Variants in ARHGAP32 observed in about 807,000 individuals in gnomAD.
The protein encoded by ARHGAP32 is rho GTPase-activating protein 32.
Under a neutral mutation model 186.5 loss-of-function variants are expected in ARHGAP32, and 51 were observed. The observed-to-expected ratio is 0.27, with a 90% CI of 0.22 to 0.35. The LOEUF is 0.35. ARHGAP32 is among the 10% of genes least tolerant of loss of function. ARHGAP32 has a pLI of 1.00. For synonymous variants in ARHGAP32, 950 were observed against 964.3 expected, an observed-to-expected ratio of 0.99 and a Z score of 0.27; for missense variants, 2,186 against 2,623.5, an observed-to-expected ratio of 0.83 and a Z score of 3.64.
At chr11:129,067,280 C>T (rs910073083) in intron 6 of ARHGAP32, among the ~76,000 whole-genome samples, 31 of 151,962 alleles carry the variant, frequency 2.0e-4, no homozygotes, top group South Asian at 2.1e-4. Flanking sequence ...TGACTGAGAT[C>T]GGAAATATAC....
upstream of ARHGAP32, among the ~76,000 whole-genome samples, chr11:129,194,036 T>C (rs12801060): frequency 0.031 from 4,756 of 151,880 alleles, 115 homozygotes; most frequent in South Asian, 0.083. Flanking sequence ...AACAGAAATG[T>C]AAAACAATAC....
intron 2 of ARHGAP32, 47 bp downstream of exon 2, chr11:129,164,272 A>T: frequency 8.7e-7 from 1 of 1,150,572 alleles, no homozygotes; most frequent in South Asian, 1.5e-5. Flanking sequence ...TAAGTGCTAT[A>T]TATACATATA....
At chr11:129,232,193 C>T (rs1029341396) in intron 1 of ARHGAP32, among the ~76,000 whole-genome samples, 5 of 152,028 alleles carry the variant, frequency 3.3e-5, no homozygotes, top group African/African-American at 7.2e-5. Flanking sequence ...ACCACACTCA[C>T]GGGTGACATT....
At chr11:128,976,521 C>T in intron 20 of ARHGAP32, 42 bp downstream of exon 20, 1 of 1,492,228 alleles carries the variant, frequency 6.7e-7, no homozygotes, top group Non-Finnish European at 9.3e-7. Flanking sequence ...TTCCTTTATG[C>T]AATATATTAT....
chr11:129,243,047 C>T (rs1429971977), intron 1 of ARHGAP32, among the ~76,000 whole-genome samples: 3 of 152,126 alleles, frequency 2.0e-5, no homozygotes. Flanking sequence ...ACCCAACTCC[C>T]TCAACTTTCA....
chr11:129,187,710 A>T (rs1404312920), intron 1 of ARHGAP32, among the ~76,000 whole-genome samples: 1 of 152,136 alleles, frequency 6.6e-6, no homozygotes, highest in East Asian at 1.9e-4. Flanking sequence ...ATAATTTTTT[A>T]AAATAATATT....
intron 10 of ARHGAP32, among the ~76,000 whole-genome samples, chr11:129,044,537 T>C (rs1282200405): frequency 6.6e-6 from 1 of 152,160 alleles, no homozygotes; most frequent in Non-Finnish European, 1.5e-5. Flanking sequence ...GCTATTATTA[T>C]CCCAGTATTT....
At chr11:129,038,864 G>A (rs1391475794) in intron 11 of ARHGAP32, among the ~76,000 whole-genome samples, 1 of 140,442 alleles carries the variant, frequency 7.1e-6, no homozygotes, top group East Asian at 2.1e-4. Flanking sequence ...TGCAGCCTGT[G>A]GTGACAAAGA....
chr11:129,201,984 G>C (rs1425664583), intron 1 of ARHGAP32, among the ~76,000 whole-genome samples: 2 of 151,022 alleles, frequency 1.3e-5, no homozygotes, highest in Non-Finnish European at 2.9e-5. Context: ...GCCTGTCTCT[G>C]TCTGTCTGTC....
At chr11:128,973,745 A>C in intron 21 of ARHGAP32, 1 of 528,012 alleles carries the variant, frequency 1.9e-6, no homozygotes, top group Non-Finnish European at 3.3e-6. Flanking sequence ...GTGCTTGTAG[A>C]CTGTTATTAT....
chr11:129,120,607 C>T (rs1182158609), intron 5 of ARHGAP32, among the ~76,000 whole-genome samples: 1 of 151,894 alleles, frequency 6.6e-6, no homozygotes, highest in East Asian at 1.9e-4. Context: ...TATTTCATTC[C>T]AGAACTAAAA....
At chr11:129,108,862 A>C (rs908399413) in intron 5 of ARHGAP32, among the ~76,000 whole-genome samples, 1 of 152,168 alleles carries the variant, frequency 6.6e-6, no homozygotes, top group Non-Finnish European at 1.5e-5. Flanking sequence ...CGTCATTACC[A>C]AATCAGGGTA....
upstream of ARHGAP32, among the ~76,000 whole-genome samples, chr11:129,196,127 C>T (rs1944387297): frequency 6.6e-6 from 1 of 152,188 alleles, no homozygotes; most frequent in Non-Finnish European, 1.5e-5. Context: ...GAGAAGCATT[C>T]TTACAGCAAC....
intron 1 of ARHGAP32, among the ~76,000 whole-genome samples, chr11:129,169,428 A>G (rs1943707750): frequency 6.6e-6 from 1 of 151,838 alleles, no homozygotes; most frequent in Admixed American, 6.6e-5. Context: ...TCAGGAGATC[A>G]AGACCATCCT....
At chr11:129,180,121 TTTA>T (rs1457969951) in intron 1 of ARHGAP32, among the ~76,000 whole-genome samples, 1 of 152,102 alleles carries the variant, frequency 6.6e-6, no homozygotes, top group African/African-American at 2.4e-5. Flanking sequence ...TATACAATTA[TTTA>T]TTAAGAGAAA....
chr11:129,211,371 A>G (rs765181200), intron 1 of ARHGAP32, among the ~76,000 whole-genome samples: 4 of 152,210 alleles, frequency 2.6e-5, no homozygotes, highest in Non-Finnish European at 5.9e-5. Context: ...AAACAATTGT[A>G]TAAAAATGTT....
In ARHGAP32 at chr11:128,978,815, G is replaced by T; in HGVS notation, c.2077C>A (p.Arg693=). Residue 693 remains arginine (R), a synonymous_variant, in exon 19 of 23, where the codon CGG becomes AGG. Coordinates refer to ENST00000682385, the MANE Select transcript of ARHGAP32 (RefSeq NM_001378024.1). The stretch of plus-strand genomic sequence containing the variant: ...ATCTCTGAAGGCTCACTCTCATTCC[G>T]CTGCAGCTTTCGTTTAGAAACAGAT... ...SSSVSKRKLQ[R]NESEPSEMKA... is the part of the protein sequence containing the mutation. 6.2e-7 allele frequency: 1 copy of T among 1,612,978 alleles called. No homozygotes were observed. Among genetic ancestry groups the T allele is most frequent in the South Asian group, 1.1e-5 (1 of 90,952 alleles).
chr11:129,000,601 T>G (rs566182799), intron 11 of ARHGAP32, among the ~76,000 whole-genome samples: 1 of 152,302 alleles, frequency 6.6e-6, no homozygotes, highest in East Asian at 1.9e-4. Flanking sequence ...CATCAAGCAT[T>G]TATCCTTTGT....
intron 1 of ARHGAP32, among the ~76,000 whole-genome samples, chr11:129,240,919 A>C (rs1392644142): frequency 1.3e-5 from 2 of 152,224 alleles, no homozygotes; most frequent in Non-Finnish European, 2.9e-5. Context: ...AGGTTCCTGG[A>C]GAAATCTGGG....
Sources: allele counts gnomAD v4.1 joint callset (sites outside exome capture counted in the v4.1 genomes callset), GRCh38; gene constraint gnomAD v4.1.1; transcripts MANE v1.5; gene names NCBI Gene and HGNC (gene_info 2026-07-23, HGNC 2026-07-21).